Variants in RAB27B observed in about 807,000 individuals in gnomAD.
RAB27B encodes the protein ras-related protein Rab-27B.
Under a neutral mutation model 24.6 loss-of-function variants are expected in RAB27B, and 15 were observed. The observed-to-expected ratio is 0.61, with a 90% confidence interval of 0.41 to 0.94. RAB27B has a LOEUF of 0.94. Ranked by LOEUF, RAB27B falls within the 40% of genes least tolerant of loss-of-function variation. The probability of loss-of-function intolerance (pLI) is 0.00; values close to 1 mark genes in which losing one functional copy is unlikely to be tolerated. For missense variants in RAB27B, 261 were observed against 266.8 expected (o/e 0.98, Z 0.15); for synonymous variants, 105 against 92.5 (o/e 1.14, Z -0.78).
At position 54,835,370 on chromosome 18, in the gene RAB27B, C is replaced by T. The variant is rs1049861823; in HGVS notation, c.-20+6670C>T. 3.3e-5 allele frequency among the ~76,000 whole-genome samples: 5 copies of T among 151,970 alleles called. No homozygotes were observed. In the East Asian group the frequency reaches 7.7e-4, roughly 23 times the overall value. ...TTTGCAAATTTATTAATTCTTTAAG[C>T]GAACTAAAGATAGATATCACAGCTA... On this transcript the variant is annotated intron_variant, in intron 1 of 5. Coordinates refer to ENST00000262094, the MANE Select transcript of RAB27B (RefSeq NM_004163.4).
chr18:54,875,622 G>A (rs1030529504), intron 1 of RAB27B, among the ~76,000 whole-genome samples: 2 of 151,840 alleles, frequency 1.3e-5, no homozygotes, highest in African/African-American at 4.8e-5. Flanking sequence ...GTGTTATATG[G>A]CAGGAAAGCT....
chr18:54,864,901 T>C (rs939938360), intron 1 of RAB27B, among the ~76,000 whole-genome samples: 1 of 152,208 alleles, frequency 6.6e-6, no homozygotes, highest in African/African-American at 2.4e-5. Flanking sequence ...TTCATTTTCA[T>C]ATGAATTTTA....
rs1415615060 is a variant in RAB27B at position 54,890,613 on chromosome 18, A to G, written c.*1200A>G. 6.6e-6 allele frequency: 1 copy of G among 152,190 alleles called. No individual in the cohort carries two copies. The highest frequency in any genetic ancestry group is 1.5e-5 in the Non-Finnish European group (1 of 68,016). The allele number at this position is 152,190 out of a possible 1,614,324, so 9.4% of individuals were successfully genotyped here. A position where few individuals can be genotyped will look rare whatever the true frequency, so the allele number is the denominator to read the frequency against. On this transcript the variant is annotated 3_prime_UTR_variant, in exon 6 of 6. Coordinates refer to ENST00000262094, the MANE Select transcript of RAB27B (RefSeq NM_004163.4). Reference sequence around the variant, plus strand: ...ATAACTTTGGAACAATTATGGATCAATTCTATGGTCACTCTGAATTTTCAT... The same window carrying G: ...ATAACTTTGGAACAATTATGGATCAGTTCTATGGTCACTCTGAATTTTCAT...
At chr18:54,809,525 C>T (rs1909897837) in intron 2 of RAB27B, among the ~76,000 whole-genome samples, 2 of 152,132 alleles carry the variant, frequency 1.3e-5, no homozygotes, top group South Asian at 4.1e-4. Flanking sequence ...GCAGCCAATC[C>T]ACAGATGGGT....
At chr18:54,865,059 A>G (rs1021833598) in intron 1 of RAB27B, among the ~76,000 whole-genome samples, 8 of 152,180 alleles carry the variant, frequency 5.3e-5, no homozygotes, top group Non-Finnish European at 1.0e-4. Context: ...CTCAGATGAT[A>G]ATAGAATAAT....
chr18:54,719,477 T>G (rs751482550), intron 2 of RAB27B, among the ~76,000 whole-genome samples: 1 of 152,030 alleles, frequency 6.6e-6, no homozygotes, highest in Non-Finnish European at 1.5e-5. Context: ...TACTAATGAT[T>G]GTAATTATTA....
chr18:54,722,247 A>T (rs1909382095), intron 2 of RAB27B, among the ~76,000 whole-genome samples: 1 of 152,162 alleles, frequency 6.6e-6, no homozygotes, highest in South Asian at 2.1e-4. Context: ...GAGGGAGAAA[A>T]GACTGGCACT....
At chr18:54,788,590 A>C (rs1909160000) in intron 2 of RAB27B, among the ~76,000 whole-genome samples, 1 of 152,254 alleles carries the variant, frequency 6.6e-6, no homozygotes, top group Non-Finnish European at 1.5e-5. Context: ...GGCATGAGCC[A>C]CTGCACCTGG....
intron 2 of RAB27B, among the ~76,000 whole-genome samples, chr18:54,811,792 C>G (rs1387067214): frequency 1.3e-5 from 2 of 152,172 alleles, no homozygotes; most frequent in Non-Finnish European, 2.9e-5. Context: ...TTTGTCTTTG[C>G]AGCTTTCTTA....
intron 2 of RAB27B, among the ~76,000 whole-genome samples, chr18:54,822,623 G>A (rs1185526433): frequency 1.3e-5 from 2 of 152,198 alleles, no homozygotes; most frequent in African/African-American, 4.8e-5. Flanking sequence ...ATTTATGTAT[G>A]TGTATTGTCA....
At chr18:54,795,770 T>C (rs10469206) in intron 2 of RAB27B, among the ~76,000 whole-genome samples, 147,644 of 152,224 alleles carry the variant, frequency 0.97, 71,787 homozygotes, top group East Asian at 1. Flanking sequence ...GGGTCAGTTT[T>C]GCATGTATGC....
intron 1 of RAB27B, among the ~76,000 whole-genome samples, chr18:54,850,363 T>TATATATAC (rs1248383686): frequency 7.0e-6 from 1 of 142,122 alleles, no homozygotes; most frequent in African/African-American, 2.6e-5. Context: ...TATATATACA[T>TATATATAC]ACATACATAT....
intron 2 of RAB27B, among the ~76,000 whole-genome samples, chr18:54,770,897 G>A (rs1364276391): frequency 6.6e-6 from 1 of 151,982 alleles, no homozygotes; most frequent in Non-Finnish European, 1.5e-5. Context: ...AATCTTTTTG[G>A]GGTTCGAATT....
Position 54,877,626 on chromosome 18 carries a change from C to T in RAB27B, c.41C>T (p.Ala14Val), listed in dbSNP as rs768892870. Residue 14 changes from alanine (A) to valine (V), a missense_variant, in exon 2 of 6, where the codon GCC becomes GTC. Coordinates refer to ENST00000262094, the MANE Select transcript of RAB27B (RefSeq NM_004163.4). ...GDYDYLIKLL[A>V]LGDSGVGKTT... ...TATGATTATCTGATCAAACTCCTGG[C>T]CCTCGGGGATTCAGGGGTGGGGAAG... The T allele has an allele frequency of 1.9e-6, 3 of 1,591,070 alleles. No individual in the cohort carries two copies. The highest frequency in any genetic ancestry group is 1.7e-4 in the Middle Eastern group (1 of 6,004).
chr18:54,790,923 C>G (rs149775091), intron 2 of RAB27B, among the ~76,000 whole-genome samples: 115 of 152,256 alleles, frequency 7.6e-4, no homozygotes, highest in South Asian at 5.2e-3. Flanking sequence ...ACGCTAGATT[C>G]AGGATAATTT....
chr18:54,878,614 C>G (rs918324837), intron 2 of RAB27B, among the ~76,000 whole-genome samples: 2 of 152,124 alleles, frequency 1.3e-5, no homozygotes, highest in African/African-American at 2.4e-5. Flanking sequence ...CAGGGTTTTC[C>G]TGCCTTCTCT....
intron 2 of RAB27B, among the ~76,000 whole-genome samples, chr18:54,787,237 TC>T (rs2145103560): frequency 6.6e-6 from 1 of 152,334 alleles, no homozygotes; most frequent in South Asian, 2.1e-4. Context: ...TATTTCCTTC[TC>T]ATGCAGAATT....
chr18:54,741,055 A>G (rs891248063), intron 2 of RAB27B, among the ~76,000 whole-genome samples: 4 of 152,212 alleles, frequency 2.6e-5, no homozygotes, highest in Non-Finnish European at 5.9e-5. Context: ...CATGGATACT[A>G]AATAGTGTCC....
chr18:54,786,349 C>T (rs531159527), intron 2 of RAB27B, among the ~76,000 whole-genome samples: 2 of 152,292 alleles, frequency 1.3e-5, no homozygotes, highest in Admixed American at 6.5e-5. Context: ...TCTGTGTCAT[C>T]TCACACAGAG....
Sources: gnomAD v4.1 joint callset for allele counts (sites outside exome capture counted in the v4.1 genomes callset) on GRCh38, gnomAD v4.1.1 for gene constraint, MANE v1.5 for transcripts, NCBI Gene and HGNC (gene_info 2026-07-23, HGNC 2026-07-21) for gene names.